The following ZNF521 variants were observed in gnomAD, a reference collection of about 807,000 sequenced individuals.
ZNF521 encodes the protein LYST-interacting protein 3.
ZNF521 carries 14 observed loss-of-function variants against 105.5 expected under a neutral mutation model. The observed-to-expected ratio is 0.13, with a 90% CI of 0.09 to 0.21. The LOEUF (loss-of-function observed/expected upper bound fraction) is 0.21. ZNF521 is among the 10% of genes least tolerant of loss of function. ZNF521 has a pLI of 1.00. For synonymous variants in ZNF521, 635 were observed against 606.0 expected (o/e 1.05, Z -0.70); for missense variants, 1,233 against 1,629.7 (o/e 0.76, Z 4.19).
chr18:25,251,506 C>A (rs548542459), intron 3 of ZNF521, among the ~76,000 whole-genome samples: 17 of 152,300 alleles, frequency 1.1e-4, no homozygotes, highest in African/African-American at 3.8e-4. Flanking sequence ...CTTTGCAATA[C>A]AATACTCAAA....
chr18:25,282,969 G>C (rs1287503816), intron 3 of ZNF521, among the ~76,000 whole-genome samples: 1 of 152,172 alleles, frequency 6.6e-6, no homozygotes, highest in African/African-American at 2.4e-5. Flanking sequence ...TCCTTAAAGT[G>C]CTTAAGTACA....
At chr18:25,344,480 T>C (rs1019466668) in intron 2 of ZNF521, among the ~76,000 whole-genome samples, 1 of 152,198 alleles carries the variant, frequency 6.6e-6, no homozygotes, top group African/African-American at 2.4e-5. Context: ...TAGCACCATG[T>C]AGTCCCCAAA....
chr18:25,088,062 CAG>C (rs1215160904), intron 7 of ZNF521, among the ~76,000 whole-genome samples: 1 of 152,124 alleles, frequency 6.6e-6, no homozygotes, highest in African/African-American at 2.4e-5. Context: ...GGTGGGCTCC[CAG>C]TCCCTCAGTC....
At chr18:25,271,716 T>G (rs1909673868) in intron 3 of ZNF521, among the ~76,000 whole-genome samples, 1 of 152,208 alleles carries the variant, frequency 6.6e-6, no homozygotes, top group Admixed American at 6.5e-5. Context: ...GCTAGCCATA[T>G]GCAGAAAACT....
chr18:25,115,606 T>C (rs1301688303), intron 5 of ZNF521, among the ~76,000 whole-genome samples: 1 of 152,234 alleles, frequency 6.6e-6, no homozygotes, highest in Non-Finnish European at 1.5e-5. Flanking sequence ...ATTTGTCTTC[T>C]CAGTAACTTA....
chr18:25,222,817 T>A (rs903233903), intron 4 of ZNF521, among the ~76,000 whole-genome samples: 33 of 152,260 alleles, frequency 2.2e-4, no homozygotes, highest in African/African-American at 7.0e-4. Flanking sequence ...ATTTCCTTTT[T>A]TAATTTAGTG....
chr18:25,100,039 T>G, intron 5 of ZNF521, among the ~76,000 whole-genome samples: 1 of 152,088 alleles, frequency 6.6e-6, no homozygotes, highest in East Asian at 1.9e-4. Context: ...GTTTTCCTGT[T>G]GCTGTGCTGA....
At chr18:25,264,888 A>T (rs1909143635) in intron 3 of ZNF521, among the ~76,000 whole-genome samples, 1 of 152,172 alleles carries the variant, frequency 6.6e-6, no homozygotes, top group African/African-American at 2.4e-5. Flanking sequence ...TGAAAAGGAA[A>T]AGAATACAGA....
At chr18:25,195,903 T>G (rs1274143788) in intron 4 of ZNF521, among the ~76,000 whole-genome samples, 1 of 151,902 alleles carries the variant, frequency 6.6e-6, no homozygotes, top group East Asian at 1.9e-4. Flanking sequence ...TTATAATTCT[T>G]ATAGCATAAA....
At chr18:25,258,515 C>A (rs1189161492) in intron 3 of ZNF521, among the ~76,000 whole-genome samples, 1 of 152,066 alleles carries the variant, frequency 6.6e-6, no homozygotes, top group Non-Finnish European at 1.5e-5. Context: ...AGAAAAAATT[C>A]CTAATGGCAA....
chr18:25,287,614 A>C (rs1017713909), intron 3 of ZNF521, among the ~76,000 whole-genome samples: 2 of 152,156 alleles, frequency 1.3e-5, no homozygotes, highest in African/African-American at 4.8e-5. Context: ...CAGAAAAAAA[A>C]AAAAGAGAGT....
At chr18:25,073,089 A>C (rs2033266348) in intron 7 of ZNF521, among the ~76,000 whole-genome samples, 1 of 152,056 alleles carries the variant, frequency 6.6e-6, no homozygotes, top group Non-Finnish European at 1.5e-5. Context: ...GGGCGAATAC[A>C]AATTTCCTCT....
rs577896062 is a variant in ZNF521, at chr18:25,080,964, G to A, written c.3906+8501C>T. Among the ~76,000 whole-genome samples, 57 of 152,360 alleles carry A rather than the reference G, an allele frequency of 3.7e-4. 2 individuals are homozygous for A. The highest frequency in any genetic ancestry group is 3.7e-3 in the Admixed American group (57 of 15,306). ...AAGGATCCGACTACAAAGGCGCTGAGACAGAGCTCTGTCTTTACAAGACAG... is the reference window on the plus strand; with the variant it reads ...AAGGATCCGACTACAAAGGCGCTGAAACAGAGCTCTGTCTTTACAAGACAG... On this transcript the variant is annotated intron_variant, in intron 7 of 7. Coordinates refer to ENST00000361524, the MANE Select transcript of ZNF521 (RefSeq NM_015461.3).
At chr18:25,275,592 C>T (rs999124685) in intron 3 of ZNF521, among the ~76,000 whole-genome samples, 5 of 152,160 alleles carry the variant, frequency 3.3e-5, no homozygotes, top group African/African-American at 9.7e-5. Context: ...TTTTGATTAC[C>T]CACACTGTAT....
intron 5 of ZNF521, among the ~76,000 whole-genome samples, chr18:25,136,216 A>C (rs28661894): frequency 0.011 from 1,747 of 152,330 alleles, 39 homozygotes; most frequent in African/African-American, 0.04. Flanking sequence ...GAAAGTGCAT[A>C]GTGATTTGTT....
intron 2 of ZNF521, among the ~76,000 whole-genome samples, chr18:25,350,514 G>A (rs1188058642): frequency 6.6e-6 from 1 of 152,154 alleles, no homozygotes; most frequent in African/African-American, 2.4e-5. Flanking sequence ...GCACGGTTTT[G>A]CATATTTATT....
intron 5 of ZNF521, among the ~76,000 whole-genome samples, chr18:25,175,272 C>G (rs890388205): frequency 6.6e-6 from 1 of 152,196 alleles, no homozygotes; most frequent in Non-Finnish European, 1.5e-5. Context: ...CTCAGGGAAA[C>G]CTCACTGGAA....
chr18:25,350,585 A>G (rs1294336629), intron 2 of ZNF521, among the ~76,000 whole-genome samples: 2 of 150,190 alleles, frequency 1.3e-5, no homozygotes, highest in African/African-American at 2.5e-5. Context: ...CTCAGACGGG[A>G]TATTTTTTTT....
chr18:25,152,029 T>A (rs1244284741), intron 5 of ZNF521, among the ~76,000 whole-genome samples: 2 of 152,140 alleles, frequency 1.3e-5, no homozygotes, highest in Non-Finnish European at 2.9e-5. Flanking sequence ...CCTACACAGA[T>A]CTCCCAGAGT....
Sources: gnomAD v4.1 joint callset for allele counts (sites outside exome capture counted in the v4.1 genomes callset) on GRCh38, gnomAD v4.1.1 for gene constraint, MANE v1.5 for transcripts, NCBI Gene and HGNC (gene_info 2026-07-23, HGNC 2026-07-21) for gene names.